ADCK1: variants seen among roughly 807,000 people sequenced by gnomAD.
ADCK1 encodes the protein aarF domain containing kinase 1, also known as aarF domain-containing protein kinase 1.
ADCK1 carries 41 observed loss-of-function variants against 52.3 expected under a neutral mutation model. The ratio of observed to expected loss-of-function variants is 0.78; its 90% CI spans 0.61 to 1.02. ADCK1 has a LOEUF of 1.02. Among genes scored for constraint, ADCK1 ranks in the 50% least tolerant of loss-of-function variants. The pLI is 0.00. For missense variants in ADCK1, 658 were observed against 679.5 expected (o/e 0.97, Z 0.35); for synonymous variants, 250 against 274.6 (o/e 0.91, Z 0.89).
intron 4 of ADCK1, among the ~76,000 whole-genome samples, chr14:77,878,843 TA>T (rs2082955741): frequency 6.6e-6 from 1 of 152,192 alleles, no homozygotes; most frequent in African/African-American, 2.4e-5. Context: ...TTATGAAGAA[TA>T]ATTTATCAAA....
intron 3 of ADCK1, among the ~76,000 whole-genome samples, chr14:77,844,247 A>G (rs2082131233): frequency 1.3e-5 from 2 of 151,968 alleles, no homozygotes; most frequent in African/African-American, 4.8e-5. Context: ...TGCCCGGTGA[A>G]TTATTTTTGT....
intron 4 of ADCK1, among the ~76,000 whole-genome samples, chr14:77,875,846 G>C (rs2082887862): frequency 6.6e-6 from 1 of 152,172 alleles, no homozygotes; most frequent in African/African-American, 2.4e-5. Flanking sequence ...GTCCTCGCCT[G>C]GCATGGCAGA....
chr14:77,929,383 C>A (rs1458015441), intron 9 of ADCK1, among the ~76,000 whole-genome samples: 1 of 152,226 alleles, frequency 6.6e-6, no homozygotes, highest in African/African-American at 2.4e-5. Context: ...TGGTTCCAAG[C>A]TTTACATCTT....
intron 3 of ADCK1, among the ~76,000 whole-genome samples, chr14:77,833,153 C>T (rs1047039797): frequency 2.6e-5 from 4 of 152,180 alleles, no homozygotes; most frequent in Non-Finnish European, 5.9e-5. Context: ...TTCTCCTGAT[C>T]CCTGACAGCA....
At chr14:77,838,590 G>A (rs2082006040) in intron 3 of ADCK1, among the ~76,000 whole-genome samples, 1 of 152,128 alleles carries the variant, frequency 6.6e-6, no homozygotes, top group Non-Finnish European at 1.5e-5. Flanking sequence ...TAAAGATGGG[G>A]TTTCACCATG....
intron 5 of ADCK1, among the ~76,000 whole-genome samples, chr14:77,894,973 G>C (rs1292486685): frequency 6.6e-6 from 1 of 152,016 alleles, no homozygotes. Context: ...GGCTGGTCTT[G>C]AACTCCTGAT....
chr14:77,801,223 A>C (rs2081103180), intron 1 of ADCK1, among the ~76,000 whole-genome samples: 1 of 152,234 alleles, frequency 6.6e-6, no homozygotes, highest in South Asian at 2.1e-4. Context: ...TATGAGGACC[A>C]AGAATTGGCG....
chr14:77,888,775 T>C (rs571982010), intron 5 of ADCK1, among the ~76,000 whole-genome samples: 53 of 152,288 alleles, frequency 3.5e-4, no homozygotes, highest in Non-Finnish European at 5.3e-4. Context: ...TAACTATATA[T>C]AGTAGTTCCC....
intron 7 of ADCK1, among the ~76,000 whole-genome samples, chr14:77,916,947 C>T: frequency 6.6e-6 from 1 of 152,206 alleles, no homozygotes; most frequent in Non-Finnish European, 1.5e-5. Flanking sequence ...AGGGCCAGCA[C>T]TAGTGGCTCA....
At chr14:77,836,914 C>T (rs529268853) in intron 3 of ADCK1, among the ~76,000 whole-genome samples, 1 of 151,684 alleles carries the variant, frequency 6.6e-6, no homozygotes, top group South Asian at 2.1e-4. Flanking sequence ...GCTGGGATTA[C>T]AGGTGCCTGC....
chr14:77,848,764 G>T (rs965283305), intron 3 of ADCK1, among the ~76,000 whole-genome samples: 2 of 151,658 alleles, frequency 1.3e-5, no homozygotes, highest in Non-Finnish European at 2.9e-5. Context: ...CACCATGCCC[G>T]GCCTGTTTAT....
At chr14:77,896,308 A>G (rs1468900175) in intron 5 of ADCK1, among the ~76,000 whole-genome samples, 1 of 152,234 alleles carries the variant, frequency 6.6e-6, no homozygotes, top group Non-Finnish European at 1.5e-5. Context: ...ACCCCCAAGT[A>G]GAGACCTCAC....
chr14:77,899,130 C>A lies in ADCK1; in HGVS notation c.613C>A (p.Pro205Thr). The A allele has an allele frequency of 6.2e-7, 1 of 1,614,020 alleles. No homozygotes were observed. Among genetic ancestry groups the A allele is most frequent in the Non-Finnish European group, 8.5e-7 (1 of 1,180,024 alleles). The change falls in exon 6 of 11, where the codon CCA becomes ACA. Residue 205 changes from proline to threonine, a missense_variant. By Grantham distance (38) the Pro-to-Thr change is conservative. Coordinates refer to ENST00000238561, the MANE Select transcript of ADCK1 (RefSeq NM_020421.4). ...VLVLAVKQLFPEFEFMWLVDE... is the reference protein window; with the variant it reads ...VLVLAVKQLFTEFEFMWLVDE... ...CGTTCTGGCTGTGAAGCAGCTGTTC[C>A]CAGAGTTTGAGTTTATGTGGCTTGT...
chr14:77,813,491 A>G (rs1164518597), intron 1 of ADCK1, among the ~76,000 whole-genome samples: 5 of 152,058 alleles, frequency 3.3e-5, no homozygotes, highest in African/African-American at 1.2e-4. Context: ...TTGTATTTTT[A>G]GTAGAGATGG....
chr14:77,875,252 G>A (rs746938853), intron 4 of ADCK1, among the ~76,000 whole-genome samples: 5 of 152,142 alleles, frequency 3.3e-5, no homozygotes, highest in Admixed American at 6.5e-5. Context: ...TGGAGGAGGT[G>A]GAGGTGCCAC....
chr14:77,800,603 G>A (rs1324236748), intron 1 of ADCK1, among the ~76,000 whole-genome samples: 1 of 152,232 alleles, frequency 6.6e-6, no homozygotes, highest in Non-Finnish European at 1.5e-5. Flanking sequence ...AGAGCAGGGG[G>A]CGATGCCCAT....
chr14:77,817,739 CTTT>C (rs774038186), intron 1 of ADCK1, among the ~76,000 whole-genome samples: 6 of 144,494 alleles, frequency 4.2e-5, no homozygotes, highest in Non-Finnish European at 7.7e-5. Flanking sequence ...GGGTAGTCTT[CTTT>C]TTTTTTTTTT....
chr14:77,831,009 C>T (rs1466446675), intron 3 of ADCK1, among the ~76,000 whole-genome samples: 4 of 152,172 alleles, frequency 2.6e-5, no homozygotes, highest in South Asian at 2.1e-4. Flanking sequence ...CAAAATTCAT[C>T]AGCTTCATTA....
Position 77,813,609 on chromosome 14 carries a change from G to T in ADCK1, c.-11-5359G>T, listed in dbSNP as rs552565861. ...CAGGCATGAGCCACGTGCCCAGCCTGAGTTTCTTAAATTATTTCCTTAAAA... is the reference window on the plus strand; with the variant it reads ...CAGGCATGAGCCACGTGCCCAGCCTTAGTTTCTTAAATTATTTCCTTAAAA... On this transcript the variant is annotated intron_variant, in intron 1 of 10. Transcript: ENST00000238561. 9.9e-5 allele frequency among the ~76,000 whole-genome samples: 15 copies of T among 152,036 alleles called. 1 individual carries two copies. The South Asian group carries it at 3.1e-3, about 32-fold the overall frequency.
Sources: allele counts gnomAD v4.1 joint callset (sites outside exome capture counted in the v4.1 genomes callset), GRCh38; gene constraint gnomAD v4.1.1; transcripts MANE v1.5; gene names NCBI Gene and HGNC (gene_info 2026-07-23, HGNC 2026-07-21).